TRPM8: variants seen among roughly 807,000 people sequenced by gnomAD.
TRPM8 encodes the protein TRPM8 cationic channel.
A neutral mutation model predicts 133.7 loss-of-function variants in TRPM8; 110 were observed. The observed-to-expected ratio is 0.82, with a 90% confidence interval of 0.70 to 0.96. The LOEUF (loss-of-function observed/expected upper bound fraction) is 0.96, where lower values mean the gene tolerates loss of function less well. Ranked by LOEUF, TRPM8 falls within the 40% of genes least tolerant of loss-of-function variation. TRPM8 has a pLI of 0.00. For missense variants in TRPM8, 1,291 were observed against 1,379.5 expected (o/e 0.94, Z 1.02); for synonymous variants, 535 against 532.3 (o/e 1.01, Z -0.07).
rs1004494477 is a variant in TRPM8, at chr2:233,958,157, G to T, written c.1363-2619G>T. On this transcript the variant is annotated intron_variant, in intron 11 of 25. Transcript: ENST00000324695. Reference sequence around the variant, plus strand: ...GTGGTTATTAAATCAGGGCTCCATCGGTATCATGGCAGGGGGAGTTGCTGA... The same window carrying T: ...GTGGTTATTAAATCAGGGCTCCATCTGTATCATGGCAGGGGGAGTTGCTGA... Among the ~76,000 whole-genome samples, 4 of 152,260 alleles carry T rather than the reference G, an allele frequency of 2.6e-5. No homozygotes were observed. The East Asian group carries it at 7.7e-4, about 29-fold the overall frequency.
chr2:233,917,510 G>A (rs1393487253), intron 1 of TRPM8, 78 bp downstream of exon 1: 2 of 152,162 alleles, frequency 1.3e-5, no homozygotes, highest in Non-Finnish European at 2.9e-5. Context: ...ACGAGTTTGT[G>A]TCTCTGGGAG....
intron 24 of TRPM8, among the ~76,000 whole-genome samples, chr2:234,008,519 C>T (rs772730056): frequency 4.6e-5 from 7 of 152,204 alleles, no homozygotes; most frequent in Non-Finnish European, 7.3e-5. Flanking sequence ...TGCGTGAGTA[C>T]GCATATGAAC....
In TRPM8 at chr2:233,976,233, G is replaced by A. The variant is rs12468783; in HGVS notation, c.2356-3955G>A. ...CATCGGCAAGCAGCACTAAGTGGGC[G>A]AGTCTTACACTTACTGGGAGGTTGG... On this transcript the variant is annotated intron_variant, in intron 17 of 25. Transcript: ENST00000324695. Among the ~76,000 whole-genome samples, 355 of 152,288 alleles carry A rather than the reference G, an allele frequency of 2.3e-3. 3 individuals are homozygous for A. Among genetic ancestry groups the A allele is most frequent in the East Asian group, 0.018 (94 of 5,180 alleles).
chr2:234,015,314 G>A (rs1029011434), intron 25 of TRPM8, among the ~76,000 whole-genome samples: 9 of 150,360 alleles, frequency 6.0e-5, no homozygotes, highest in East Asian at 5.8e-4. Flanking sequence ...TGGACACGTC[G>A]AGTTAGGAAA....
At chr2:233,982,859 G>C (rs2125288145) in intron 19 of TRPM8, among the ~76,000 whole-genome samples, 194 bp from the exon 20 acceptor site, 1 of 152,248 alleles carries the variant, frequency 6.6e-6, no homozygotes, top group East Asian at 1.9e-4. Context: ...TTTAACTCTG[G>C]AAGATAGATG....
chr2:233,970,465 C>T (rs199693469), intron 17 of TRPM8, 39 bp downstream of exon 17: 96 of 1,565,084 alleles, frequency 6.1e-5, no homozygotes, highest in African/African-American at 2.2e-4. Context: ...CTCGCTTCCT[C>T]GGTGGGAGGC....
At chr2:233,976,530 C>T (rs1691877603) in intron 17 of TRPM8, among the ~76,000 whole-genome samples, 1 of 152,066 alleles carries the variant, frequency 6.6e-6, no homozygotes, top group South Asian at 2.1e-4. Context: ...TGAGTAATTC[C>T]CAGGGGCTGC....
At chr2:233,991,137 G>A (rs72974131) in intron 21 of TRPM8, among the ~76,000 whole-genome samples, 4 of 152,184 alleles carry the variant, frequency 2.6e-5, no homozygotes, top group South Asian at 2.1e-4. Context: ...ATCAGCAGCC[G>A]GGGAGGGTGG....
At chr2:233,942,507 G>T (rs1690934498) in intron 5 of TRPM8, 69 bp from the exon 6 acceptor site, 2 of 1,519,490 alleles carry the variant, frequency 1.3e-6, no homozygotes, top group Non-Finnish European at 1.8e-6. Context: ...TATTTTAGGG[G>T]TCTGTGAGCC....
chr2:233,962,485 A>G (rs1327388803), intron 12 of TRPM8, among the ~76,000 whole-genome samples: 1 of 152,164 alleles, frequency 6.6e-6, no homozygotes, highest in Non-Finnish European at 1.5e-5. Flanking sequence ...CGTGTCCAAA[A>G]TAAACGACTT....
At chr2:233,941,829 T>C (rs1361824369) in intron 5 of TRPM8, among the ~76,000 whole-genome samples, 3 of 152,194 alleles carry the variant, frequency 2.0e-5, no homozygotes, top group Non-Finnish European at 4.4e-5. Context: ...TTGTGTTTTA[T>C]AAAGCAAAGT....
rs1047575109 is a variant in TRPM8 at position 233,966,887 on chromosome 2, G to A, written c.2025+132G>A. On this transcript the variant is annotated intron_variant, in intron 15 of 25. Coordinates refer to ENST00000324695, the MANE Select transcript of TRPM8 (RefSeq NM_024080.5). ...TAAAAGCCATAGAAGGAGTGGTTTG[G>A]TGATGATGTGGGAGATGGCCAAGTA... 3.6e-5 allele frequency: 44 copies of A among 1,209,350 alleles called. No homozygotes were observed. In the South Asian group the frequency reaches 7.0e-4, roughly 19 times the overall value. 74.9% of individuals were successfully genotyped at this position (1,209,350 alleles called of 1,614,324 possible).
At chr2:233,950,477 T>C (rs922204914) in intron 9 of TRPM8, among the ~76,000 whole-genome samples, 5 of 152,230 alleles carry the variant, frequency 3.3e-5, no homozygotes, top group Admixed American at 2.0e-4. Flanking sequence ...CAAAAAGAGA[T>C]AAACATATCA....
chr2:233,969,553 A>G (rs1046369853), intron 15 of TRPM8, 142 bp from the exon 16 acceptor site: 1 of 623,930 alleles, frequency 1.6e-6, no homozygotes, highest in African/African-American at 1.9e-5. Context: ...GAATCCAGGC[A>G]ACTGGTATAA....
rs199553680 is a variant in TRPM8 at position 233,939,147 on chromosome 2, C to A, written c.498C>A (p.Ser166Arg). ...AGCCGCGCATGCGCAAGATCTTCAG[C>A]CGGCTCATCTACATCGCGCAGTCCA... ...ALKPRMRKIF[S>R]RLIYIAQSKG... Residue 166 changes from serine (S) to arginine (R), a missense_variant, in exon 5 of 26, where the codon AGC becomes AGA. Coordinates refer to ENST00000324695, the MANE Select transcript of TRPM8 (RefSeq NM_024080.5). The A allele has an allele frequency of 5.6e-6, 9 of 1,614,118 alleles. No individual in the cohort carries two copies. The highest frequency in any genetic ancestry group is 6.8e-6 in the Non-Finnish European group (8 of 1,180,028).
chr2:234,012,918 C>T (rs1442261608), intron 24 of TRPM8, among the ~76,000 whole-genome samples: 1 of 151,944 alleles, frequency 6.6e-6, no homozygotes, highest in African/African-American at 2.4e-5. Context: ...TAGTGTATCA[C>T]ACTGATGAAT....
At chr2:233,984,675 C>T (rs897619316) in intron 20 of TRPM8, among the ~76,000 whole-genome samples, 1 of 152,202 alleles carries the variant, frequency 6.6e-6, no homozygotes, top group Non-Finnish European at 1.5e-5. Context: ...CTTCCTTCCC[C>T]TCGAGCCCCT....
rs977559657 is a variant in TRPM8, at chr2:233,961,203, C to G, written c.1653+137C>G. ...ACTGACAATGTTAATTTTTTTAACTCCCTTTATTTAAGATAAGGTGTCTGT... is the reference window on the plus strand; with the variant it reads ...ACTGACAATGTTAATTTTTTTAACTGCCTTTATTTAAGATAAGGTGTCTGT... On this transcript the variant is annotated intron_variant, in intron 12 of 25. Transcript: ENST00000324695. 1.6e-4 allele frequency: 138 copies of G among 848,822 alleles called. 2 individuals carry two copies. Among genetic ancestry groups the G allele is most frequent in the Non-Finnish European group, 2.5e-5 (14 of 561,086 alleles). The allele number at this position is 848,822 out of a possible 1,614,324, so 52.6% of individuals were successfully genotyped here.
rs765569267 is a variant in TRPM8 at position 233,983,238 on chromosome 2, G to A, written c.2761+14G>A. The A allele has an allele frequency of 9.3e-6, 15 of 1,613,922 alleles. No individual in the cohort carries two copies. Among genetic ancestry groups the A allele is most frequent in the Non-Finnish European group, 1.2e-5 (14 of 1,179,936 alleles). On this transcript the variant is annotated intron_variant, in intron 20 of 25. Transcript: ENST00000324695. ...GTGACGTGGATGGTAAGCCTGACTTGGCTCAGATGGAAACAGCTTGGAGGA... is the reference window on the plus strand; with the variant it reads ...GTGACGTGGATGGTAAGCCTGACTTAGCTCAGATGGAAACAGCTTGGAGGA...
Sources: gnomAD v4.1 joint callset for allele counts (sites outside exome capture counted in the v4.1 genomes callset) on GRCh38, gnomAD v4.1.1 for gene constraint, MANE v1.5 for transcripts, NCBI Gene and HGNC (gene_info 2026-07-23, HGNC 2026-07-21) for gene names.